The following KIF2A variants were observed in gnomAD, a reference collection of about 807,000 sequenced individuals.
The protein encoded by KIF2A is kinesin-like protein KIF2A.
KIF2A carries 22 observed loss-of-function variants against 100.2 expected under a neutral mutation model. The observed-to-expected ratio is 0.22, with a 90% CI of 0.16 to 0.31. KIF2A has a LOEUF of 0.31. Ranked by LOEUF, KIF2A falls within the 10% of genes least tolerant of loss-of-function variation. The probability of loss-of-function intolerance (pLI) is 1.00; values close to 1 mark genes in which losing one functional copy is unlikely to be tolerated. For missense variants in KIF2A, 495 were observed against 898.7 expected (o/e 0.55, Z 5.74); for synonymous variants, 268 against 285.9 (o/e 0.94, Z 0.63).
intron 20 of KIF2A, among the ~76,000 whole-genome samples, chr5:62,383,452 T>C (rs1256678927): frequency 1.3e-5 from 2 of 149,602 alleles, no homozygotes; most frequent in African/African-American, 4.9e-5. Flanking sequence ...ATTGTGTTAG[T>C]CAGGATGGTC....
At chr5:62,351,853 G>T (rs1329250994) in intron 4 of KIF2A, among the ~76,000 whole-genome samples, 1 of 152,030 alleles carries the variant, frequency 6.6e-6, no homozygotes, top group Admixed American at 6.6e-5. Flanking sequence ...AAATGAGAAG[G>T]CATGTAAAAT....
intron 9 of KIF2A, among the ~76,000 whole-genome samples, chr5:62,359,281 G>C (rs1291912291): frequency 6.6e-6 from 1 of 151,862 alleles, no homozygotes; most frequent in Non-Finnish European, 1.5e-5. Flanking sequence ...GGTTTATCTA[G>C]GAATATTACT....
At chr5:62,322,763 C>G (rs1351046520) in intron 1 of KIF2A, among the ~76,000 whole-genome samples, 3 of 151,538 alleles carry the variant, frequency 2.0e-5, no homozygotes, top group Non-Finnish European at 4.4e-5. Flanking sequence ...TCAATATTTA[C>G]AGAGACCATA....
Position 62,388,839 on chromosome 5 carries a change from C to A in KIF2A, c.*3270C>A. ...ATATTAAAAACTTTGATACTTAGAACTTTCCAACTTTAAAATTCAGAATCA... is the reference window on the plus strand; with the variant it reads ...ATATTAAAAACTTTGATACTTAGAAATTTCCAACTTTAAAATTCAGAATCA... On this transcript the variant is annotated 3_prime_UTR_variant, in exon 21 of 21. Transcript: ENST00000407818. 1 of 648,520 alleles carries A rather than the reference C, an allele frequency of 1.5e-6. No homozygotes were observed. Among genetic ancestry groups the A allele is most frequent in the South Asian group, 2.0e-5 (1 of 51,090 alleles). The allele number at this position is 648,520 out of a possible 1,614,324, so 40.2% of individuals were successfully genotyped here.
At chr5:62,385,450 A>C (rs775705410) in intron 20 of KIF2A, 34 bp from the exon 21 acceptor site, 15 of 1,457,042 alleles carry the variant, frequency 1.0e-5, no homozygotes, top group Non-Finnish European at 1.4e-5. Flanking sequence ...CGTGTAATAC[A>C]ATACTTATTC....
At position 62,387,562 on chromosome 5, in the gene KIF2A, T is replaced by G. The variant is rs1451834483; in HGVS notation, c.*1993T>G. The G allele has an allele frequency of 6.6e-6, 1 of 152,104 alleles. No individual in the cohort carries two copies. The highest frequency in any genetic ancestry group is 1.5e-5 in the Non-Finnish European group (1 of 68,018). The allele number at this position is 152,104 out of a possible 1,614,324, so 9.4% of individuals were successfully genotyped here. On this transcript the variant is annotated 3_prime_UTR_variant, in exon 21 of 21. Transcript: ENST00000407818. The stretch of plus-strand genomic sequence containing the variant: ...ACCAGAAAAGATACTGGAGGTAATA[T>G]AATACAGTCCTTCAGCTTTACAGAT...
intron 6 of KIF2A, among the ~76,000 whole-genome samples, chr5:62,354,809 A>G (rs1448668663): frequency 1.3e-5 from 2 of 152,164 alleles, no homozygotes. Flanking sequence ...CAGTGGTAAC[A>G]TGAGCATTAT....
intron 1 of KIF2A, among the ~76,000 whole-genome samples, chr5:62,316,492 C>T (rs1745823847): frequency 6.6e-6 from 1 of 152,078 alleles, no homozygotes; most frequent in South Asian, 2.1e-4. Context: ...CTACAGTTTG[C>T]AATTTAGGAC....
chr5:62,355,742 T>A (rs892807193), intron 7 of KIF2A, among the ~76,000 whole-genome samples: 6 of 152,096 alleles, frequency 3.9e-5, no homozygotes, highest in African/African-American at 1.4e-4. Context: ...AATCCTCTGC[T>A]GTTATTACTC....
chr5:62,362,266 T>C (rs958573866), intron 11 of KIF2A, 184 bp from the exon 12 acceptor site: 1 of 247,558 alleles, frequency 4.0e-6, no homozygotes, highest in Non-Finnish European at 7.9e-6. Flanking sequence ...TTTTATGGCA[T>C]ATGAAAGAGA....
At position 62,390,012 on chromosome 5, in the gene KIF2A, A is replaced by G. The variant is rs1012551780; in HGVS notation, c.*4443A>G. Among the ~76,000 whole-genome samples the G allele has an allele frequency of 1.1e-4, 16 of 152,256 alleles. No individual in the cohort carries two copies. The highest frequency in any genetic ancestry group is 3.9e-4 in the African/African-American group (16 of 41,474). On this transcript the variant is annotated 3_prime_UTR_variant, in exon 21 of 21. Coordinates refer to ENST00000407818, the MANE Select transcript of KIF2A (RefSeq NM_001098511.3). ...GGATTAACATCTAAAATGACTCAGT[A>G]GTACTGCTAGCCAGCCAATAAAATA...
chr5:62,331,394 A>T (rs547070404), intron 1 of KIF2A, among the ~76,000 whole-genome samples: 1 of 151,836 alleles, frequency 6.6e-6, no homozygotes, highest in East Asian at 1.9e-4. Context: ...TTGGGCAACA[A>T]GAGCAAGACT....
intron 16 of KIF2A, among the ~76,000 whole-genome samples, chr5:62,370,727 A>G (rs1741284202): frequency 1.3e-5 from 2 of 152,192 alleles, no homozygotes; most frequent in Non-Finnish European, 2.9e-5. Flanking sequence ...AAGCAGAGAT[A>G]CTTAATCTTT....
intron 18 of KIF2A, among the ~76,000 whole-genome samples, chr5:62,375,073 A>G (rs1441738180): frequency 6.6e-6 from 1 of 152,254 alleles, no homozygotes; most frequent in African/African-American, 2.4e-5. Context: ...AAAATTTTTA[A>G]TGATACTTTA....
intron 1 of KIF2A, among the ~76,000 whole-genome samples, chr5:62,340,385 CAG>C (rs10544077): frequency 2.2e-3 from 333 of 152,200 alleles, no homozygotes; most frequent in African/African-American, 7.6e-3. Flanking sequence ...AATGGTGAAT[CAG>C]AGAGAGTCAA....
intron 4 of KIF2A, 140 bp downstream of exon 4, chr5:62,350,260 G>A (rs567838349): frequency 1.8e-6 from 1 of 564,520 alleles, no homozygotes; most frequent in East Asian, 3.4e-5. Context: ...GTGCTTTTTT[G>A]TTTTGTTTTG....
intron 1 of KIF2A, among the ~76,000 whole-genome samples, chr5:62,309,702 G>T (rs1745470380): frequency 6.6e-6 from 1 of 152,154 alleles, no homozygotes. Context: ...TTTTCTTTTG[G>T]CTTGCTGATG....
rs896231503 is a variant in KIF2A, at chr5:62,385,936, G to C, written c.*367G>C. ...CTTTTAACTCAGTTCAATTTTTGTA[G>C]TGAGACTGAGCAGTTTTAAATCCTT... is the stretch of plus-strand genomic sequence containing the variant. On this transcript the variant is annotated 3_prime_UTR_variant, in exon 21 of 21. Coordinates refer to ENST00000407818, the MANE Select transcript of KIF2A (RefSeq NM_001098511.3). The C allele has an allele frequency of 8.5e-6, 2 of 234,882 alleles. No individual in the cohort carries two copies. The highest frequency in any genetic ancestry group is 1.7e-5 in the Non-Finnish European group (2 of 117,720). 14.5% of individuals were successfully genotyped at this position (234,882 alleles called of 1,614,324 possible). A position where few individuals can be genotyped will look rare whatever the true frequency, so the allele number is the denominator to read the frequency against.
chr5:62,365,418 A>G (rs1741019938), intron 15 of KIF2A, 65 bp downstream of exon 15: 1 of 791,362 alleles, frequency 1.3e-6, no homozygotes, highest in Non-Finnish European at 2.0e-6. Flanking sequence ...CACAATATTT[A>G]TGGAAAATGT....
Sources: gnomAD v4.1 joint callset for allele counts (sites outside exome capture counted in the v4.1 genomes callset) on GRCh38, gnomAD v4.1.1 for gene constraint, MANE v1.5 for transcripts, NCBI Gene and HGNC (gene_info 2026-07-23, HGNC 2026-07-21) for gene names.